The following KCNIP4 variants were observed in gnomAD, a reference collection of about 807,000 sequenced individuals.
The protein encoded by KCNIP4 is potassium voltage-gated channel interacting protein 4.
In KCNIP4, 12 loss-of-function variants were observed where a neutral mutation model predicts 34.0. The ratio of observed to expected loss-of-function variants is 0.35; its 90% CI spans 0.23 to 0.57. KCNIP4 has a LOEUF of 0.57. KCNIP4 is among the 20% of genes least tolerant of loss of function. KCNIP4 has a pLI of 0.83. For synonymous variants in KCNIP4, 124 were observed against 102.2 expected, an observed-to-expected ratio of 1.21 and a Z score of -1.29; for missense variants, 238 against 311.7, an observed-to-expected ratio of 0.76 and a Z score of 1.78.
At chr4:21,484,340 T>A (rs1025198245) in intron 1 of KCNIP4, among the ~76,000 whole-genome samples, 2 of 151,856 alleles carry the variant, frequency 1.3e-5, no homozygotes, top group African/African-American at 4.8e-5. Context: ...GGCAGGAGAA[T>A]CGATTGAACC....
intron 1 of KCNIP4, among the ~76,000 whole-genome samples, chr4:21,206,462 T>A (rs1756859038): frequency 6.6e-6 from 1 of 152,116 alleles, no homozygotes; most frequent in Non-Finnish European, 1.5e-5. Flanking sequence ...AGGGTCACAA[T>A]TTGCTGGTTT....
chr4:20,850,833 G>T, intron 2 of KCNIP4, 166 bp from the exon 3 acceptor site: 3 of 629,152 alleles, frequency 4.8e-6, no homozygotes, highest in Non-Finnish European at 7.4e-6. Flanking sequence ...CAGTTTAAGC[G>T]TATTAAGCTA....
intron 1 of KCNIP4, among the ~76,000 whole-genome samples, chr4:21,938,950 ATTGT>A (rs1325364150): frequency 2.0e-5 from 3 of 152,178 alleles, no homozygotes; most frequent in African/African-American, 7.2e-5. Context: ...TAAATGAATG[ATTGT>A]TTAATAACAT....
chr4:21,794,987 A>C (rs922049047), intron 1 of KCNIP4, among the ~76,000 whole-genome samples: 13 of 152,204 alleles, frequency 8.5e-5, no homozygotes, highest in African/African-American at 3.1e-4. Context: ...ATTACCCTCA[A>C]GTACTCAGCA....
chr4:20,966,561 G>C (rs1489511877), intron 1 of KCNIP4, among the ~76,000 whole-genome samples: 1 of 152,128 alleles, frequency 6.6e-6, no homozygotes, highest in Non-Finnish European at 1.5e-5. Flanking sequence ...CTGATTGCTA[G>C]TTCATAATGT....
At chr4:21,108,682 T>C (rs1328116149) in intron 1 of KCNIP4, among the ~76,000 whole-genome samples, 1 of 151,758 alleles carries the variant, frequency 6.6e-6, no homozygotes, top group Non-Finnish European at 1.5e-5. Flanking sequence ...CTCTGCTTTT[T>C]AGAGTTTCCA....
chr4:21,749,084 C>A (rs1252858415), intron 1 of KCNIP4, among the ~76,000 whole-genome samples: 1 of 152,120 alleles, frequency 6.6e-6, no homozygotes, highest in African/African-American at 2.4e-5. Flanking sequence ...TGTGAATCCC[C>A]TTATTCAATA....
intron 1 of KCNIP4, among the ~76,000 whole-genome samples, chr4:21,714,326 T>G (rs917878249): frequency 6.6e-6 from 1 of 152,140 alleles, no homozygotes; most frequent in Non-Finnish European, 1.5e-5. Context: ...CTGATATTTC[T>G]CGGCTCTCTA....
chr4:21,724,485 A>C (rs1349774023), intron 1 of KCNIP4, among the ~76,000 whole-genome samples: 1 of 152,052 alleles, frequency 6.6e-6, no homozygotes, highest in Non-Finnish European at 1.5e-5. Context: ...TACAACACTA[A>C]AGTGCAATAT....
At chr4:21,791,865 G>C (rs542091696) in intron 1 of KCNIP4, among the ~76,000 whole-genome samples, 44 of 152,020 alleles carry the variant, frequency 2.9e-4, no homozygotes, top group African/African-American at 1.0e-3. Context: ...AGCCAGGTGT[G>C]GTAGTGCATG....
intron 1 of KCNIP4, among the ~76,000 whole-genome samples, chr4:21,322,289 G>C (rs1054734140): frequency 6.6e-6 from 1 of 152,108 alleles, no homozygotes; most frequent in Admixed American, 6.6e-5. Flanking sequence ...CCAGAAACCT[G>C]AGCCAGCTGA....
chr4:21,692,079 A>G (rs1711720643), intron 1 of KCNIP4, among the ~76,000 whole-genome samples: 1 of 152,156 alleles, frequency 6.6e-6, no homozygotes, highest in South Asian at 2.1e-4. Context: ...ACCAGTCAAC[A>G]AGTGAGTTTT....
chr4:21,176,869 CA>C (rs1754452041), intron 1 of KCNIP4, among the ~76,000 whole-genome samples: 1 of 152,214 alleles, frequency 6.6e-6, no homozygotes, highest in African/African-American at 2.4e-5. Flanking sequence ...ACAAATCCAG[CA>C]CACCTGTCTT....
intron 1 of KCNIP4, among the ~76,000 whole-genome samples, chr4:21,642,640 G>A (rs984845366): frequency 6.6e-6 from 1 of 152,016 alleles, no homozygotes; most frequent in Non-Finnish European, 1.5e-5. Context: ...TGCTTGTTCA[G>A]AAGTCTTAGT....
At chr4:20,970,305 T>C (rs116671258) in intron 1 of KCNIP4, among the ~76,000 whole-genome samples, 2,723 of 152,294 alleles carry the variant, frequency 0.018, 84 homozygotes, top group African/African-American at 0.062. Context: ...TTTCTATTTA[T>C]ACATTTTCCT....
At chr4:21,606,374 T>G (rs924645873) in intron 1 of KCNIP4, among the ~76,000 whole-genome samples, 1 of 152,172 alleles carries the variant, frequency 6.6e-6, no homozygotes, top group Admixed American at 6.5e-5. Context: ...CTGGGAACAG[T>G]AGTCAGCAGA....
At chr4:21,207,650 T>C (rs1756936470) in intron 1 of KCNIP4, among the ~76,000 whole-genome samples, 1 of 152,170 alleles carries the variant, frequency 6.6e-6, no homozygotes, top group South Asian at 2.1e-4. Context: ...CTCTCTGATG[T>C]CATCCATTAT....
At chr4:20,759,174 T>A (rs1232770238) in intron 3 of KCNIP4, among the ~76,000 whole-genome samples, 1 of 152,194 alleles carries the variant, frequency 6.6e-6, no homozygotes, top group Non-Finnish European at 1.5e-5. Context: ...ATGTTTATTA[T>A]AAAGTAAAAG....
intron 1 of KCNIP4, among the ~76,000 whole-genome samples, chr4:21,366,707 C>T (rs1255767999): frequency 6.6e-6 from 1 of 152,028 alleles, no homozygotes; most frequent in African/African-American, 2.4e-5. Flanking sequence ...TAAATCCTAT[C>T]TCTATAGTAC....
Sources: gnomAD v4.1 joint callset for allele counts (sites outside exome capture counted in the v4.1 genomes callset) on GRCh38, gnomAD v4.1.1 for gene constraint, MANE v1.5 for transcripts, NCBI Gene and HGNC (gene_info 2026-07-23, HGNC 2026-07-21) for gene names.